STEAP1B: variants seen among roughly 807,000 people sequenced by gnomAD.
The protein encoded by STEAP1B is STEAP family member 1B.
A neutral mutation model predicts 27.9 loss-of-function variants in STEAP1B; 13 were observed. The observed-to-expected ratio is 0.47, with a 90% CI of 0.30 to 0.74. The LOEUF (loss-of-function observed/expected upper bound fraction) is 0.74. STEAP1B is among the 30% of genes least tolerant of loss of function. STEAP1B has a pLI of 0.06. For missense variants in STEAP1B, 250 were observed against 298.7 expected (o/e 0.84, Z 1.20); for synonymous variants, 86 against 107.1 (o/e 0.80, Z 1.22).
At chr7:22,487,519 G>C (rs758582303) in intron 4 of STEAP1B, among the ~76,000 whole-genome samples, 1 of 150,518 alleles carries the variant, frequency 6.6e-6, no homozygotes, top group Non-Finnish European at 1.5e-5. Context: ...TGCCGGGCGC[G>C]TTGGCTCATG....
rs192764134 is a variant in STEAP1B, at chr7:22,477,562, G to A, written c.762+15003C>T. Among the ~76,000 whole-genome samples, 882 of 152,248 alleles carry A rather than the reference G, an allele frequency of 5.8e-3. 13 individuals are homozygous for A. The highest frequency in any genetic ancestry group is 7.4e-3 in the Non-Finnish European group (502 of 68,010). On this transcript the variant is annotated intron_variant, in intron 4 of 4. Coordinates refer to ENST00000678116, the MANE Select transcript of STEAP1B (RefSeq NM_001382447.1). ...CTATTAGGACTGATACTAAAATAAC[G>A]CATGAAAGTACTCTGCAAATGGAAG...
intron 2 of STEAP1B, 105 bp downstream of exon 2, chr7:22,494,667 C>T: frequency 1.3e-6 from 1 of 789,752 alleles, no homozygotes; most frequent in South Asian, 2.0e-5. Context: ...TATCAGCAGA[C>T]TAGGGTGAAA....
At chr7:22,480,045 A>G (rs772673434) in intron 4 of STEAP1B, among the ~76,000 whole-genome samples, 6 of 152,210 alleles carry the variant, frequency 3.9e-5, no homozygotes, top group Non-Finnish European at 8.8e-5. Flanking sequence ...CAGAGCAGAC[A>G]GAGGACATCT....
chr7:22,457,849 T>C (rs1007883681), intron 4 of STEAP1B, among the ~76,000 whole-genome samples: 1 of 152,144 alleles, frequency 6.6e-6, no homozygotes, highest in African/African-American at 2.4e-5. Flanking sequence ...TATTAGAAAA[T>C]GAAAACCAAG....
intron 4 of STEAP1B, among the ~76,000 whole-genome samples, chr7:22,433,440 T>A (rs1313314634): frequency 9.7e-5 from 4 of 41,062 alleles, no homozygotes; most frequent in Non-Finnish European, 1.8e-4. Context: ...CAGGACACCT[T>A]CCCCCAACTT....
Position 22,493,605 on chromosome 7 carries a change from A to T in STEAP1B, c.316T>A (p.Phe106Ile), listed in dbSNP as rs750337910. Reference protein sequence around the residue: ...HPLATSHQQYFYKIPILVINK... With the variant: ...HPLATSHQQYIYKIPILVINK... ...ATGACCAGGATTGGAATTTTATAAA[A>T]ATATTGTTGATGGGAAGTTGCTAAA... The change falls in exon 3 of 5, where the codon TTT becomes ATT. Residue 106 changes from phenylalanine (F) to isoleucine (I), a missense_variant. Coordinates refer to ENST00000678116, the MANE Select transcript of STEAP1B (RefSeq NM_001382447.1). 1 of 1,613,918 alleles carries T rather than the reference A, an allele frequency of 6.2e-7. No homozygotes were observed. The highest frequency in any genetic ancestry group is 8.5e-7 in the Non-Finnish European group (1 of 1,179,828).
chr7:22,498,378 T>A (rs10265955), intron 1 of STEAP1B, among the ~76,000 whole-genome samples: 13,041 of 152,124 alleles, frequency 0.086, 652 homozygotes, highest in African/African-American at 0.096. Context: ...TATCACCAAC[T>A]TAATAGTTTG....
At chr7:22,430,604 G>C (rs1010886080) in intron 4 of STEAP1B, among the ~76,000 whole-genome samples, 1 of 152,220 alleles carries the variant, frequency 6.6e-6, no homozygotes, top group Non-Finnish European at 1.5e-5. Flanking sequence ...GACTGGAACC[G>C]TGGGCTGAGT....
At chr7:22,475,196 G>A (rs923683422) in intron 4 of STEAP1B, among the ~76,000 whole-genome samples, 31 of 152,268 alleles carry the variant, frequency 2.0e-4, no homozygotes, top group African/African-American at 7.5e-4. Flanking sequence ...GCCTGCGTGT[G>A]GCTGCTCCTA....
intron 4 of STEAP1B, among the ~76,000 whole-genome samples, chr7:22,491,787 C>T (rs1786327040): frequency 6.6e-6 from 1 of 151,760 alleles, no homozygotes; most frequent in African/African-American, 2.4e-5. Context: ...GTGTGAGGAC[C>T]CATTTAGGGA....
chr7:22,477,942 A>C (rs1316827936), intron 4 of STEAP1B, among the ~76,000 whole-genome samples: 4 of 152,146 alleles, frequency 2.6e-5, no homozygotes, highest in Non-Finnish European at 5.9e-5. Flanking sequence ...TAACTCAAAA[A>C]ACATAGGGAA....
intron 4 of STEAP1B, among the ~76,000 whole-genome samples, chr7:22,476,234 A>T (rs1785969573): frequency 6.6e-6 from 1 of 152,172 alleles, no homozygotes; most frequent in Non-Finnish European, 1.5e-5. Context: ...GGCTTAAGCA[A>T]CACCGATGTT....
intron 4 of STEAP1B, among the ~76,000 whole-genome samples, chr7:22,452,803 G>A (rs1166309071): frequency 6.6e-6 from 1 of 152,078 alleles, no homozygotes; most frequent in Non-Finnish European, 1.5e-5. Context: ...GCAAGCACAG[G>A]GAGCCCGTTT....
At chr7:22,430,968 T>C (rs555217229) in intron 4 of STEAP1B, among the ~76,000 whole-genome samples, 6 of 152,346 alleles carry the variant, frequency 3.9e-5, no homozygotes, top group African/African-American at 1.2e-4. Context: ...GTCACTGACA[T>C]TGCAATTATT....
At chr7:22,485,675 T>C (rs1786191620) in intron 4 of STEAP1B, among the ~76,000 whole-genome samples, 1 of 152,192 alleles carries the variant, frequency 6.6e-6, no homozygotes, top group South Asian at 2.1e-4. Flanking sequence ...ACTCACTTTA[T>C]TCCAATAGCC....
intron 4 of STEAP1B, among the ~76,000 whole-genome samples, chr7:22,442,128 T>C (rs1052577034): frequency 6.6e-6 from 1 of 152,038 alleles, no homozygotes; most frequent in Middle Eastern, 3.2e-3. Flanking sequence ...CCCAAATGAA[T>C]GAATGAGTGA....
intron 4 of STEAP1B, chr7:22,438,463 A>G: frequency 6.5e-7 from 1 of 1,539,482 alleles, no homozygotes; most frequent in Non-Finnish European, 8.7e-7. Flanking sequence ...ATGAGCAGGG[A>G]ACAAGGTTCT....
chr7:22,467,655 T>A (rs1427362395), intron 4 of STEAP1B, among the ~76,000 whole-genome samples: 1 of 152,314 alleles, frequency 6.6e-6, no homozygotes, highest in Admixed American at 6.5e-5. Flanking sequence ...AAACCCCTTT[T>A]GCTTGGATCT....
chr7:22,467,686 C>T (rs1483069861), intron 4 of STEAP1B, among the ~76,000 whole-genome samples: 1 of 152,176 alleles, frequency 6.6e-6, no homozygotes, highest in Admixed American at 6.5e-5. Flanking sequence ...TTGTCTGCTG[C>T]CATGTGAGAC....
Sources: gnomAD v4.1 joint callset for allele counts (sites outside exome capture counted in the v4.1 genomes callset) on GRCh38, gnomAD v4.1.1 for gene constraint, MANE v1.5 for transcripts, NCBI Gene and HGNC (gene_info 2026-07-23, HGNC 2026-07-21) for gene names.